The following CLYBL variants were observed in gnomAD, a reference collection of about 807,000 sequenced individuals.
CLYBL encodes the protein citramalyl-CoA lyase, mitochondrial.
Under a neutral mutation model 38.9 loss-of-function variants are expected in CLYBL, and 31 were observed. The ratio of observed to expected loss-of-function variants is 0.80; its 90% CI spans 0.60 to 1.08. The LOEUF (loss-of-function observed/expected upper bound fraction) is 1.08, where lower values mean the gene tolerates loss of function less well. Ranked by LOEUF, CLYBL falls within the 50% of genes least tolerant of loss-of-function variation. The pLI, the probability that CLYBL is intolerant of heterozygous loss-of-function variation, is 0.00. For missense variants in CLYBL, 434 were observed against 411.6 expected (o/e 1.05, Z -0.47); for synonymous variants, 171 against 158.6 (o/e 1.08, Z -0.59).
intron 1 of CLYBL, among the ~76,000 whole-genome samples, chr13:99,632,865 A>C (rs1358424033): frequency 6.6e-6 from 1 of 152,344 alleles, no homozygotes; most frequent in South Asian, 2.1e-4. Context: ...AAGGACTTTA[A>C]AGCATCTACC....
intron 1 of CLYBL, among the ~76,000 whole-genome samples, chr13:99,746,181 G>A (rs536489167): frequency 6.6e-6 from 1 of 151,922 alleles, no homozygotes; most frequent in Admixed American, 6.6e-5. Context: ...ACGTTTAGCA[G>A]CCTTTGAGCT....
intron 1 of CLYBL, among the ~76,000 whole-genome samples, chr13:99,684,821 C>T (rs1359006686): frequency 1.3e-5 from 2 of 152,324 alleles, no homozygotes; most frequent in South Asian, 2.1e-4. Flanking sequence ...GGAGTGAACA[C>T]TTGAACCAAA....
At chr13:99,722,246 C>G (rs2139532765) in intron 1 of CLYBL, among the ~76,000 whole-genome samples, 1 of 152,226 alleles carries the variant, frequency 6.6e-6, no homozygotes, top group Non-Finnish European at 1.5e-5. Flanking sequence ...CTGGTGTCTT[C>G]TTTCCCCAGG....
chr13:99,765,241 T>C (rs2049246276), intron 1 of CLYBL, among the ~76,000 whole-genome samples: 1 of 152,224 alleles, frequency 6.6e-6, no homozygotes, highest in Non-Finnish European at 1.5e-5. Flanking sequence ...GTCATTCTGC[T>C]GCTTCCCCCT....
chr13:99,871,656 G>A (rs2051902651), intron 7 of CLYBL, among the ~76,000 whole-genome samples: 1 of 152,078 alleles, frequency 6.6e-6, no homozygotes, highest in Non-Finnish European at 1.5e-5. Flanking sequence ...TGCTCTGTGG[G>A]TTTCTGCTAT....
intron 1 of CLYBL, among the ~76,000 whole-genome samples, chr13:99,671,475 G>A (rs965742321): frequency 6.6e-6 from 1 of 152,058 alleles, no homozygotes. Flanking sequence ...AAACAGAAAA[G>A]CTAAGAATAG....
intron 7 of CLYBL, among the ~76,000 whole-genome samples, chr13:99,874,537 GTTCTTT>G (rs2051989880): frequency 6.6e-6 from 1 of 151,928 alleles, no homozygotes; most frequent in African/African-American, 2.4e-5. Context: ...GATTTCAACA[GTTCTTT>G]TTTATCAATA....
intron 1 of CLYBL, among the ~76,000 whole-genome samples, chr13:99,688,008 A>G (rs1165446347): frequency 6.6e-6 from 1 of 152,238 alleles, no homozygotes; most frequent in Non-Finnish European, 1.5e-5. Context: ...TAATTAGGAA[A>G]TATAGCATAT....
At chr13:99,856,870 C>T (rs1383850477) in intron 2 of CLYBL, among the ~76,000 whole-genome samples, 1 of 151,464 alleles carries the variant, frequency 6.6e-6, no homozygotes, top group Non-Finnish European at 1.5e-5. Flanking sequence ...AACTCTTGAC[C>T]TCAGGTGATC....
At chr13:99,755,085 G>T (rs2139651208) in intron 1 of CLYBL, among the ~76,000 whole-genome samples, 1 of 152,044 alleles carries the variant, frequency 6.6e-6, no homozygotes, top group African/African-American at 2.4e-5. Context: ...TTTTAGTAGA[G>T]ACAGGGTTTC....
At chr13:99,696,222 C>CA (rs2047977155) in intron 1 of CLYBL, among the ~76,000 whole-genome samples, 1 of 151,770 alleles carries the variant, frequency 6.6e-6, no homozygotes, top group South Asian at 2.1e-4. Context: ...ACACCAAAAC[C>CA]ATGTCAGAGA....
intron 1 of CLYBL, among the ~76,000 whole-genome samples, chr13:99,713,433 A>C (rs1276626547): frequency 7.1e-6 from 1 of 141,640 alleles, no homozygotes; most frequent in Non-Finnish European, 1.5e-5. Context: ...TCCGCCTCCC[A>C]GGTCCAGGTG....
rs143052532 is a variant in CLYBL, at chr13:99,813,323, G to A, written c.249+40313G>A. ...TTAATAAGCCCTTTCTGGCTTTCAC[G>A]TTTCCATTTTAGATGACAGTGCCGT... On this transcript the variant is annotated intron_variant, in intron 2 of 8. Transcript: ENST00000339105. Among the ~76,000 whole-genome samples, 420 of 152,240 alleles carry A rather than the reference G, an allele frequency of 2.8e-3. 1 individual carries two copies. The highest frequency in any genetic ancestry group is 9.7e-3 in the African/African-American group (403 of 41,518).
chr13:99,884,242 C>A (rs1394841276), intron 7 of CLYBL, among the ~76,000 whole-genome samples: 1 of 152,124 alleles, frequency 6.6e-6, no homozygotes, highest in Non-Finnish European at 1.5e-5. Context: ...ATCAGGGGCA[C>A]AGAGAGACAT....
intron 1 of CLYBL, 36 bp downstream of exon 1, chr13:99,606,793 C>A (rs1380622912): frequency 7.4e-7 from 1 of 1,347,874 alleles, no homozygotes; most frequent in Non-Finnish European, 9.5e-7. Flanking sequence ...CTTCCCGGCC[C>A]GGCTCGCCGC....
At chr13:99,767,836 G>C (rs1298010028) in intron 1 of CLYBL, among the ~76,000 whole-genome samples, 1 of 152,048 alleles carries the variant, frequency 6.6e-6, no homozygotes, top group East Asian at 1.9e-4. Context: ...TTTCCATTTT[G>C]TTCATACGTC....
Position 99,708,232 on chromosome 13 carries a change from T to C in CLYBL, c.63-64592T>C, listed in dbSNP as rs377618318. Reference sequence around the variant, plus strand: ...CTGACCTCAGGTGATCCACCCGCCTTGGCCTCCCAAAGTGCTAGGATTACA... The same window carrying C: ...CTGACCTCAGGTGATCCACCCGCCTCGGCCTCCCAAAGTGCTAGGATTACA... On this transcript the variant is annotated intron_variant, in intron 1 of 8. Coordinates refer to ENST00000339105, the MANE Select transcript of CLYBL (RefSeq NM_206808.5). 2.6e-4 allele frequency among the ~76,000 whole-genome samples: 40 copies of C among 152,158 alleles called. 2 individuals carry two copies. The South Asian group carries it at 6.4e-3, about 25-fold the overall frequency.
At chr13:99,885,113 A>G (rs776024827) in intron 7 of CLYBL, 2 of 529,226 alleles carry the variant, frequency 3.8e-6, no homozygotes, top group Non-Finnish European at 7.7e-6. Flanking sequence ...AAGGTACGTG[A>G]GGCCTGGCGC....
chr13:99,662,182 G>A (rs937730953), intron 1 of CLYBL, among the ~76,000 whole-genome samples: 3 of 152,154 alleles, frequency 2.0e-5, no homozygotes, highest in African/African-American at 7.2e-5. Context: ...GATGCTTTTA[G>A]TAAAAGCCCC....
Sources: gnomAD v4.1 joint callset for allele counts (sites outside exome capture counted in the v4.1 genomes callset) on GRCh38, gnomAD v4.1.1 for gene constraint, MANE v1.5 for transcripts, NCBI Gene and HGNC (gene_info 2026-07-23, HGNC 2026-07-21) for gene names.